Variants in COL23A1 observed in about 807,000 individuals in gnomAD.
COL23A1 encodes collagen type XXIII alpha 1 chain, also known as collagen alpha-1(XXIII) chain.
Under a neutral mutation model 99.3 loss-of-function variants are expected in COL23A1, and 97 were observed. The ratio of observed to expected loss-of-function variants is 0.98; its 90% CI spans 0.83 to 1.16. The LOEUF (loss-of-function observed/expected upper bound fraction) is 1.16. Among genes scored for constraint, COL23A1 ranks in the 50% most tolerant of loss-of-function variants. The pLI is 0.00. For missense variants in COL23A1, 762 were observed against 757.4 expected (o/e 1.01, Z -0.07); for synonymous variants, 320 against 308.2 (o/e 1.04, Z -0.40).
In COL23A1 at chr5:178,308,077, CTG is replaced by C. The variant is rs1174636738; in HGVS notation, c.362-1160_362-1159del. Among the ~76,000 whole-genome samples, 1 of 151,064 alleles carries C rather than the reference CTG, an allele frequency of 6.6e-6. No homozygotes were observed. The highest frequency in any genetic ancestry group is 1.9e-4 in the East Asian group (1 of 5,182). On this transcript the variant is annotated intron_variant, in intron 2 of 28. Coordinates refer to ENST00000390654, the MANE Select transcript of COL23A1 (RefSeq NM_173465.4). This position sits in a 1 kb window ranked among gnomAD's most constrained non-coding sequence, Gnocchi z 5.1. The stretch of plus-strand genomic sequence containing the variant: ...TGTGTGTTTGTGTGCATGTGTGTGT[CTG>C]TGTTTTTGTGTCTGTGTTTCTGTGT...
intron 2 of COL23A1, among the ~76,000 whole-genome samples, chr5:178,475,943 C>T (rs1189172329): frequency 6.6e-6 from 1 of 152,098 alleles, no homozygotes; most frequent in Non-Finnish European, 1.5e-5. Context: ...ATCTTTAGAC[C>T]CAGAATCAAA....
chr5:178,533,361 T>C (rs1029136238), intron 2 of COL23A1, among the ~76,000 whole-genome samples: 7 of 152,198 alleles, frequency 4.6e-5, no homozygotes, highest in African/African-American at 1.7e-4. Flanking sequence ...CCTCAGCCCG[T>C]GGCAACCGTG....
chr5:178,258,610 T>C (rs187698318), intron 12 of COL23A1, among the ~76,000 whole-genome samples: 1 of 152,046 alleles, frequency 6.6e-6, no homozygotes, highest in Non-Finnish European at 1.5e-5. Flanking sequence ...TTAGCCAGGA[T>C]GGTCTCTATC....
At chr5:178,555,991 A>G (rs1057193533) in intron 2 of COL23A1, among the ~76,000 whole-genome samples, 6 of 152,026 alleles carry the variant, frequency 3.9e-5, no homozygotes, top group African/African-American at 1.2e-4. Context: ...TGCCTGGGAG[A>G]ACAAAGCACG....
chr5:178,405,515 C>T (rs1343691649), intron 2 of COL23A1, among the ~76,000 whole-genome samples: 1 of 152,144 alleles, frequency 6.6e-6, no homozygotes, highest in Non-Finnish European at 1.5e-5. Context: ...AAAGAGGTGA[C>T]TCCTTTCCTT....
At chr5:178,320,270 G>A (rs1025726596) in intron 2 of COL23A1, among the ~76,000 whole-genome samples, 1 of 152,228 alleles carries the variant, frequency 6.6e-6, no homozygotes. Context: ...CAGCCCCTGA[G>A]TGGGGCCATT....
intron 2 of COL23A1, among the ~76,000 whole-genome samples, chr5:178,555,574 A>G (rs1459971486): frequency 6.6e-6 from 1 of 152,194 alleles, no homozygotes; most frequent in African/African-American, 2.4e-5. Flanking sequence ...TGTCTGCACT[A>G]AAAATTTCCT....
chr5:178,293,600 A>C (rs949308995), intron 3 of COL23A1, among the ~76,000 whole-genome samples: 1 of 148,298 alleles, frequency 6.7e-6, no homozygotes, highest in Non-Finnish European at 1.5e-5. Context: ...CACGCACTGG[A>C]GTGGAGCATG....
chr5:178,348,798 C>A (rs1761134720), intron 2 of COL23A1, among the ~76,000 whole-genome samples: 1 of 152,204 alleles, frequency 6.6e-6, no homozygotes, highest in Non-Finnish European at 1.5e-5. Flanking sequence ...GAATCCAGCC[C>A]TTCCTCAGCC....
chr5:178,321,670 T>C (rs1759321757), intron 2 of COL23A1, among the ~76,000 whole-genome samples: 1 of 151,262 alleles, frequency 6.6e-6, no homozygotes, highest in Admixed American at 6.6e-5. Context: ...TTTGTATTTT[T>C]AGTAGAGATG....
chr5:178,585,259 A>G (rs262041), intron 1 of COL23A1, among the ~76,000 whole-genome samples: 94,951 of 152,114 alleles, frequency 0.62, 31,663 homozygotes, highest in African/African-American at 0.87. Flanking sequence ...TGGGGTGACA[A>G]CAGAAACATT....
At chr5:178,324,696 G>A (rs1040004265) in intron 2 of COL23A1, among the ~76,000 whole-genome samples, 5 of 152,170 alleles carry the variant, frequency 3.3e-5, no homozygotes, top group Non-Finnish European at 5.9e-5. Flanking sequence ...CCACAAGCGC[G>A]CACCCAGCCT....
intron 2 of COL23A1, among the ~76,000 whole-genome samples, chr5:178,535,711 T>A (rs1213748606): frequency 6.6e-6 from 1 of 152,220 alleles, no homozygotes; most frequent in Non-Finnish European, 1.5e-5. Flanking sequence ...CTGCATCCTG[T>A]CTGAAGGGCG....
At chr5:178,499,754 G>A (rs1468928648) in intron 2 of COL23A1, among the ~76,000 whole-genome samples, 1 of 152,176 alleles carries the variant, frequency 6.6e-6, no homozygotes, top group African/African-American at 2.4e-5. Context: ...GTCCAAGAAT[G>A]TTCCTAGCAG....
chr5:178,547,426 T>A (rs1215706309), intron 2 of COL23A1, among the ~76,000 whole-genome samples: 2 of 151,122 alleles, frequency 1.3e-5, no homozygotes, highest in African/African-American at 4.9e-5. Flanking sequence ...AGCCAATTCC[T>A]TCAAATAAAT....
At chr5:178,326,541 G>A (rs2973691) in intron 2 of COL23A1, among the ~76,000 whole-genome samples, 59,350 of 151,792 alleles carry the variant, frequency 0.39, 11,808 homozygotes, top group Middle Eastern at 0.46. Flanking sequence ...TGAACATGTG[G>A]GCCCTGGCCA....
In COL23A1 at chr5:178,269,442, TCCAC is replaced by T. The variant is rs1561810027; in HGVS notation, c.469-690_469-687del. Among the ~76,000 whole-genome samples the T allele has an allele frequency of 6.5e-4, 23 of 35,380 alleles. 1 individual carries two copies. The highest frequency in any genetic ancestry group is 2.2e-3 in the African/African-American group (19 of 8,722). 23.2% of individuals were successfully genotyped at this position (35,380 alleles called of 152,430 possible). On this transcript the variant is annotated intron_variant, in intron 6 of 28. Transcript: ENST00000390654. ...ACCCGTCCATCCACCCACCCACCCA[TCCAC>T]CCATCCACCCATCCATCCACCCATC...
At chr5:178,479,019 G>C (rs1489856329) in intron 2 of COL23A1, among the ~76,000 whole-genome samples, 1 of 152,084 alleles carries the variant, frequency 6.6e-6, no homozygotes, top group African/African-American at 2.4e-5. Flanking sequence ...CCTGGGCCAT[G>C]TGAGGCCCAG....
At chr5:178,349,530 A>C (rs1250076291) in intron 2 of COL23A1, among the ~76,000 whole-genome samples, 2 of 22,456 alleles carry the variant, frequency 8.9e-5, no homozygotes, top group East Asian at 3.9e-3. Flanking sequence ...GGCCCTCCCT[A>C]GGCAGGGCCA....
Sources: gnomAD v4.1 joint callset for allele counts (sites outside exome capture counted in the v4.1 genomes callset) on GRCh38, gnomAD v4.1.1 for gene constraint, Gnocchi (gnomAD v3.1) non-coding constraint, MANE v1.5 for transcripts, NCBI Gene and HGNC (gene_info 2026-07-23, HGNC 2026-07-21) for gene names.